Variants in UBN2 observed in about 807,000 individuals in gnomAD.
UBN2 encodes ubinuclein-2.
A neutral mutation model predicts 120.2 loss-of-function variants in UBN2; 35 were observed. The ratio of observed to expected loss-of-function variants is 0.29; its 90% CI spans 0.22 to 0.39. The LOEUF (loss-of-function observed/expected upper bound fraction) is 0.39, where lower values mean the gene tolerates loss of function less well. Among genes scored for constraint, UBN2 ranks in the 10% least tolerant of loss-of-function variants. UBN2 has a pLI of 1.00. For synonymous variants in UBN2, 661 were observed against 648.7 expected (o/e 1.02, Z -0.29); for missense variants, 1,693 against 1,663.2 (o/e 1.02, Z -0.31).
rs1459400640 is a variant in UBN2 at position 139,303,386 on chromosome 7, G to A, written c.*5550G>A. On this transcript the variant is annotated 3_prime_UTR_variant, in exon 18 of 18. Coordinates refer to ENST00000473989, the MANE Select transcript of UBN2 (RefSeq NM_173569.4). ...CCCAGTACAAATATACCTAGTAAGT[G>A]CCCCCCTTTCAATACATTCTAATTG... The A allele has an allele frequency of 1.3e-5, 2 of 152,128 alleles. No homozygotes were observed. Among genetic ancestry groups the A allele is most frequent in the African/African-American group, 2.4e-5 (1 of 41,432 alleles). The allele number at this position is 152,128 out of a possible 1,614,324, so 9.4% of individuals were successfully genotyped here. A position where few individuals can be genotyped will look rare whatever the true frequency, so the allele number is the denominator to read the frequency against.
chr7:139,309,346 C>T (rs985027584), downstream of UBN2, among the ~76,000 whole-genome samples: 4 of 152,054 alleles, frequency 2.6e-5, no homozygotes, highest in African/African-American at 9.7e-5. Context: ...ACATGGACCT[C>T]ATACATTAGG....
Position 139,279,337 on chromosome 7 carries a change from C to G in UBN2, c.2044C>G (p.Pro682Ala), listed in dbSNP as rs764289273. The G allele has an allele frequency of 1.2e-6, 2 of 1,608,072 alleles. No homozygotes were observed. The highest frequency in any genetic ancestry group is 1.7e-6 in the Non-Finnish European group (2 of 1,177,982). Reference protein sequence around the residue: ...TSAPAKKKVIPAPKPKVKEVM... With the variant: ...TSAPAKKKVIAAPKPKVKEVM... ...TCTTAGGGCAAAGAAAAAGGTGATT[C>G]CTGCACCTAAACCCAAAGTAAAGGT... Residue 682 changes from proline (P) to alanine (A), a missense_variant, in exon 13 of 18, where the codon CCT becomes GCT. Transcript: ENST00000473989.
Position 139,237,383 on chromosome 7 carries a change from G to A in UBN2, c.561+286G>A, listed in dbSNP as rs187773804. 1.5e-3 allele frequency among the ~76,000 whole-genome samples: 229 copies of A among 152,114 alleles called. 1 individual carries two copies. The highest frequency in any genetic ancestry group is 5.1e-3 in the African/African-American group (213 of 41,486). ...GCAGTGTTGGCTCACTGCAACCTCCGCCTCCCAGGTTCAAGCCTTTCTCAT... is the reference window on the plus strand; with the variant it reads ...GCAGTGTTGGCTCACTGCAACCTCCACCTCCCAGGTTCAAGCCTTTCTCAT... On this transcript the variant is annotated intron_variant, in intron 2 of 17. Transcript: ENST00000473989.
intron 6 of UBN2, among the ~76,000 whole-genome samples, chr7:139,263,915 G>T (rs923914224): frequency 6.6e-6 from 1 of 151,960 alleles, no homozygotes; most frequent in Non-Finnish European, 1.5e-5. Flanking sequence ...AAGTCTTAAG[G>T]TTATAAAGTT....
At chr7:139,237,484 C>T (rs1033142649) in intron 2 of UBN2, among the ~76,000 whole-genome samples, 3 of 151,896 alleles carry the variant, frequency 2.0e-5, no homozygotes, top group African/African-American at 2.4e-5. Flanking sequence ...TTGGTAGAGA[C>T]GGGGTTTCAC....
chr7:139,251,289 C>T (rs1160703614), intron 2 of UBN2, among the ~76,000 whole-genome samples: 1 of 152,194 alleles, frequency 6.6e-6, no homozygotes, highest in African/African-American at 2.4e-5. Context: ...CTGTTGTTGA[C>T]ATCTTGCAAT....
intron 2 of UBN2, among the ~76,000 whole-genome samples, chr7:139,249,514 C>T (rs1796562098): frequency 6.6e-6 from 1 of 152,166 alleles, no homozygotes; most frequent in African/African-American, 2.4e-5. Flanking sequence ...GGCCATGTTA[C>T]ATACAACTTA....
intron 2 of UBN2, among the ~76,000 whole-genome samples, chr7:139,240,106 T>C (rs1187737960): frequency 6.6e-6 from 1 of 152,152 alleles, no homozygotes; most frequent in Admixed American, 6.5e-5. Flanking sequence ...AGCCTTGTTA[T>C]TTTGTTTACA....
At chr7:139,240,456 T>TATATA (rs1323673209) in intron 2 of UBN2, among the ~76,000 whole-genome samples, 21 of 75,780 alleles carry the variant, frequency 2.8e-4, no homozygotes, top group African/African-American at 8.5e-4. Context: ...ATATATATAT[T>TATATA]TTTTTTTTTA....
At chr7:139,240,998 C>A in intron 2 of UBN2, among the ~76,000 whole-genome samples, 1 of 152,176 alleles carries the variant, frequency 6.6e-6, no homozygotes, top group Non-Finnish European at 1.5e-5. Context: ...AAAAGAGGCT[C>A]CCATGCCTCT....
intron 2 of UBN2, among the ~76,000 whole-genome samples, chr7:139,248,182 G>A (rs573494804): frequency 2.0e-5 from 3 of 152,114 alleles, no homozygotes; most frequent in South Asian, 2.1e-4. Context: ...GTAATGGTTC[G>A]AAATAAGCTA....
chr7:139,302,790 A>ACG lies in UBN2; in HGVS notation c.*4955_*4956insGC, dbSNP rs777928992. The stretch of plus-strand genomic sequence containing the variant: ...TAACAATAACAACACACACACACAC[A>ACG]CACACACACACGTCAGTTACTACAA... On this transcript the variant is annotated 3_prime_UTR_variant, in exon 18 of 18. Transcript: ENST00000473989. 1.3e-5 allele frequency: 2 copies of ACG among 151,844 alleles called. No individual in the cohort carries two copies. The highest frequency in any genetic ancestry group is 2.4e-5 in the African/African-American group (1 of 41,332). The allele number at this position is 151,844 out of a possible 1,614,324, so 9.4% of individuals were successfully genotyped here. A position where few individuals can be genotyped will look rare whatever the true frequency, so the allele number is the denominator to read the frequency against.
At chr7:139,323,410 G>C in the UBN2 span, among the ~76,000 whole-genome samples, 1 of 152,128 alleles carries the variant, frequency 6.6e-6, no homozygotes, top group Non-Finnish European at 1.5e-5. Flanking sequence ...GAGGCTGTCA[G>C]GAGTGTGCTG....
intron 2 of UBN2, among the ~76,000 whole-genome samples, chr7:139,244,025 A>G (rs1796392681): frequency 6.6e-6 from 1 of 152,194 alleles, no homozygotes; most frequent in South Asian, 2.1e-4. Flanking sequence ...CATGTCCTTA[A>G]TAAAACTCGG....
chr7:139,278,329 G>A (rs1797507480), intron 12 of UBN2, among the ~76,000 whole-genome samples: 1 of 151,808 alleles, frequency 6.6e-6, no homozygotes, highest in South Asian at 2.1e-4. Context: ...CTACAGGCGT[G>A]CGCCACCACG....
At chr7:139,250,493 C>T (rs899555307) in intron 2 of UBN2, among the ~76,000 whole-genome samples, 1 of 151,770 alleles carries the variant, frequency 6.6e-6, no homozygotes, top group Admixed American at 6.6e-5. Flanking sequence ...CTCGACCTCC[C>T]AAAGTGCTGG....
downstream of UBN2, among the ~76,000 whole-genome samples, chr7:139,311,386 CA>C (rs1220781837): frequency 6.6e-6 from 1 of 152,188 alleles, no homozygotes; most frequent in Non-Finnish European, 1.5e-5. Context: ...TTCATTTCCC[CA>C]TCATCTTTTC....
chr7:139,281,506 C>A (rs1797608382), intron 13 of UBN2, among the ~76,000 whole-genome samples: 1 of 152,154 alleles, frequency 6.6e-6, no homozygotes, highest in Non-Finnish European at 1.5e-5. Context: ...TTCCATTCGT[C>A]CGTCCATCCA....
At chr7:139,281,519 C>T (rs1314270847) in intron 13 of UBN2, among the ~76,000 whole-genome samples, 1 of 152,108 alleles carries the variant, frequency 6.6e-6, no homozygotes, top group Non-Finnish European at 1.5e-5. Flanking sequence ...TCCATCCATA[C>T]ATCCATCCAT....
Sources: gnomAD v4.1 joint callset for allele counts (sites outside exome capture counted in the v4.1 genomes callset) on GRCh38, gnomAD v4.1.1 for gene constraint, MANE v1.5 for transcripts, NCBI Gene and HGNC (gene_info 2026-07-23, HGNC 2026-07-21) for gene names.